The following LRRC4C variants were observed in gnomAD, a reference collection of about 807,000 sequenced individuals.
The protein encoded by LRRC4C is leucine rich repeat containing 4C.
In LRRC4C, 5 loss-of-function variants were observed where a neutral mutation model predicts 33.6. The ratio of observed to expected loss-of-function variants is 0.15; its 90% CI spans 0.08 to 0.31. The LOEUF (loss-of-function observed/expected upper bound fraction) is 0.31, where lower values mean the gene tolerates loss of function less well. Among genes scored for constraint, LRRC4C ranks in the 10% least tolerant of loss-of-function variants. The pLI, the probability that LRRC4C is intolerant of heterozygous loss-of-function variation, is 1.00. For synonymous variants in LRRC4C, 329 were observed against 302.0 expected, an observed-to-expected ratio of 1.09 and a Z score of -0.93; for missense variants, 560 against 796.7, an observed-to-expected ratio of 0.70 and a Z score of 3.58.
chr11:40,702,918 A>C (rs1945947068), intron 2 of LRRC4C, among the ~76,000 whole-genome samples: 1 of 152,190 alleles, frequency 6.6e-6, no homozygotes, highest in Non-Finnish European at 1.5e-5. Flanking sequence ...ATGTCATAAG[A>C]TTATGTGATT....
chr11:40,574,066 G>GT (rs1293733951), intron 3 of LRRC4C, among the ~76,000 whole-genome samples: 1 of 152,142 alleles, frequency 6.6e-6, no homozygotes, highest in Non-Finnish European at 1.5e-5. Context: ...GTGTGAGATA[G>GT]TATATGTATG....
chr11:41,283,604 T>G (rs1949735384), intron 1 of LRRC4C, among the ~76,000 whole-genome samples: 1 of 152,224 alleles, frequency 6.6e-6, no homozygotes, highest in South Asian at 2.1e-4. Context: ...ATAGAATTGC[T>G]CACTCATGTA....
chr11:40,296,251 A>G (rs2136629341), intron 4 of LRRC4C, among the ~76,000 whole-genome samples: 2 of 152,312 alleles, frequency 1.3e-5, no homozygotes, highest in African/African-American at 2.4e-5. Context: ...TGACTCATTC[A>G]CACTATATGA....
At chr11:41,454,665 A>G (rs1340905960) in intron 1 of LRRC4C, among the ~76,000 whole-genome samples, 2 of 152,224 alleles carry the variant, frequency 1.3e-5, no homozygotes, top group African/African-American at 2.4e-5. Flanking sequence ...GTGAAATGAC[A>G]TCTGAAAAGG....
At chr11:41,027,023 T>TA in intron 1 of LRRC4C, among the ~76,000 whole-genome samples, 1 of 151,780 alleles carries the variant, frequency 6.6e-6, no homozygotes, top group Middle Eastern at 3.4e-3. Flanking sequence ...ATCTTACTTG[T>TA]TGCTAGTCTA....
intron 5 of LRRC4C, among the ~76,000 whole-genome samples, chr11:40,227,600 G>T (rs972882262): frequency 6.6e-6 from 1 of 152,088 alleles, no homozygotes; most frequent in Admixed American, 6.6e-5. Flanking sequence ...GGCTGATGGA[G>T]GGTATGCAGT....
intron 2 of LRRC4C, among the ~76,000 whole-genome samples, chr11:40,699,896 G>T (rs953954205): frequency 7.9e-5 from 12 of 151,998 alleles, no homozygotes; most frequent in African/African-American, 2.7e-4. Context: ...TATACACAAA[G>T]ACATAGAATT....
intron 1 of LRRC4C, among the ~76,000 whole-genome samples, chr11:41,204,258 T>C (rs1467853628): frequency 6.6e-6 from 1 of 152,172 alleles, no homozygotes; most frequent in South Asian, 2.1e-4. Flanking sequence ...ACAGAGGAAA[T>C]AATGAAATAT....
chr11:40,537,997 T>A (rs544579046), intron 3 of LRRC4C, among the ~76,000 whole-genome samples: 8 of 152,260 alleles, frequency 5.3e-5, no homozygotes, highest in Non-Finnish European at 8.8e-5. Flanking sequence ...TTCAACAAGA[T>A]TCCCCCAGTG....
chr11:41,067,308 A>C (rs1187123431), intron 1 of LRRC4C, among the ~76,000 whole-genome samples: 2 of 152,228 alleles, frequency 1.3e-5, no homozygotes, highest in Non-Finnish European at 2.9e-5. Context: ...ACAAACATCA[A>C]AAAGACAAAG....
chr11:40,905,593 C>T (rs577527831), intron 2 of LRRC4C, among the ~76,000 whole-genome samples: 74 of 152,284 alleles, frequency 4.9e-4, no homozygotes, highest in African/African-American at 1.5e-3. Flanking sequence ...AAATATTACA[C>T]GTGCTACACA....
chr11:41,279,418 ACACAC>A (rs1949590834), intron 1 of LRRC4C, among the ~76,000 whole-genome samples: 1 of 143,300 alleles, frequency 7.0e-6, no homozygotes, highest in Non-Finnish European at 1.5e-5. Flanking sequence ...ACACACACAC[ACACAC>A]ACACACCGTG....
chr11:40,675,023 A>G (rs1437994938), intron 2 of LRRC4C, among the ~76,000 whole-genome samples: 1 of 152,222 alleles, frequency 6.6e-6, no homozygotes, highest in Admixed American at 6.5e-5. Flanking sequence ...TGAAGCATCA[A>G]AAAATTCCCA....
At chr11:40,131,026 G>C (rs1324605299) in intron 6 of LRRC4C, among the ~76,000 whole-genome samples, 3 of 152,008 alleles carry the variant, frequency 2.0e-5, no homozygotes, top group African/African-American at 7.2e-5. Context: ...CCAAATCCAC[G>C]TTTGCATGTA....
chr11:40,762,001 A>G (rs1438139472), intron 2 of LRRC4C, among the ~76,000 whole-genome samples: 1 of 152,196 alleles, frequency 6.6e-6, no homozygotes, highest in Non-Finnish European at 1.5e-5. Context: ...GTACTCAAAA[A>G]TACACAGTGA....
intron 2 of LRRC4C, among the ~76,000 whole-genome samples, chr11:40,839,050 C>T (rs965503633): frequency 3.3e-5 from 5 of 152,110 alleles, no homozygotes; most frequent in Admixed American, 2.6e-4. Flanking sequence ...ATCAACTTTG[C>T]TATATTTTCA....
At chr11:41,327,248 A>G (rs1951150359) in intron 1 of LRRC4C, among the ~76,000 whole-genome samples, 1 of 152,128 alleles carries the variant, frequency 6.6e-6, no homozygotes, top group Non-Finnish European at 1.5e-5. Context: ...TGAGTTTCCA[A>G]TTACAATGTA....
At chr11:40,486,867 T>C (rs1418005710) in intron 3 of LRRC4C, among the ~76,000 whole-genome samples, 1 of 152,068 alleles carries the variant, frequency 6.6e-6, no homozygotes, top group East Asian at 1.9e-4. Context: ...GAAATCTTGT[T>C]TGGATAATGC....
chr11:40,476,536 G>T (rs1430499985), intron 3 of LRRC4C, among the ~76,000 whole-genome samples: 1 of 151,568 alleles, frequency 6.6e-6, no homozygotes, highest in African/African-American at 2.4e-5. Flanking sequence ...ACTAGAGACA[G>T]GTTTTCACTA....
Sources: gnomAD v4.1 joint callset for allele counts (sites outside exome capture counted in the v4.1 genomes callset) on GRCh38, gnomAD v4.1.1 for gene constraint, MANE v1.5 for transcripts, NCBI Gene and HGNC (gene_info 2026-07-23, HGNC 2026-07-21) for gene names.